Variants in DNAJC3 observed in about 807,000 individuals in gnomAD.
DNAJC3 encodes dnaJ homolog subfamily C member 3.
In DNAJC3, 38 loss-of-function variants were observed where a neutral mutation model predicts 68.6. That is an observed-to-expected ratio of 0.55 (90% CI 0.43 to 0.73). The LOEUF (loss-of-function observed/expected upper bound fraction) is 0.73, where lower values mean the gene tolerates loss of function less well. DNAJC3 is among the 30% of genes least tolerant of loss of function. The pLI is 0.00. For synonymous variants in DNAJC3, 203 were observed against 204.0 expected (o/e 1.00, Z 0.04); for missense variants, 526 against 591.9 (o/e 0.89, Z 1.16).
intron 2 of DNAJC3, among the ~76,000 whole-genome samples, chr13:95,720,140 T>C (rs1209660769): frequency 6.6e-6 from 1 of 152,126 alleles, no homozygotes; most frequent in Non-Finnish European, 1.5e-5. Context: ...GGGATATGTA[T>C]TATAGAATGT....
At position 95,749,517 on chromosome 13, in the gene DNAJC3, T is replaced by A. The variant is rs117404699; in HGVS notation, c.394-8127T>A. On this transcript the variant is annotated intron_variant, in intron 4 of 11. Transcript: ENST00000602402. ...AAGAGGGAACTACTGACTTTTAGGA[T>A]TCATGGCTTAAATGATAAAGTAGAG... is the stretch of plus-strand genomic sequence containing the variant. Among the ~76,000 whole-genome samples, 19 of 152,282 alleles carry A rather than the reference T, an allele frequency of 1.2e-4. 1 individual carries two copies. In the East Asian group the frequency reaches 3.7e-3, roughly 29 times the overall value.
At chr13:95,693,677 A>G (rs1372128295) in intron 1 of DNAJC3, 1 of 152,176 alleles carries the variant, frequency 6.6e-6, no homozygotes, top group African/African-American at 2.4e-5. Context: ...CTAACTAATA[A>G]TCTTAAGACT....
intron 4 of DNAJC3, among the ~76,000 whole-genome samples, chr13:95,735,762 T>A (rs1428201367): frequency 6.6e-6 from 1 of 152,032 alleles, no homozygotes; most frequent in South Asian, 2.1e-4. Flanking sequence ...TTTCTCCCAT[T>A]TTGTAGGTTG....
At chr13:95,765,935 GA>G (rs1882981895) in intron 9 of DNAJC3, among the ~76,000 whole-genome samples, 1 of 152,018 alleles carries the variant, frequency 6.6e-6, no homozygotes, top group Non-Finnish European at 1.5e-5. Context: ...GAGAGAGAGA[GA>G]ATAGTTGCCA....
chr13:95,694,371 C>T (rs1163250972), intron 1 of DNAJC3: 2 of 152,588 alleles, frequency 1.3e-5, no homozygotes, highest in Non-Finnish European at 1.5e-5. Context: ...CATAATTCAA[C>T]ACAATACCAC....
intron 9 of DNAJC3, among the ~76,000 whole-genome samples, chr13:95,779,218 G>A (rs966093040): frequency 4.2e-5 from 6 of 143,768 alleles, no homozygotes; most frequent in African/African-American, 1.5e-4. Flanking sequence ...TCCGCCTCCC[G>A]GGTTCACCCA....
intron 9 of DNAJC3, 38 bp from the exon 10 acceptor site, chr13:95,785,901 T>C (rs1883587423): frequency 6.6e-7 from 1 of 1,522,524 alleles, no homozygotes; most frequent in African/African-American, 1.4e-5. Flanking sequence ...TAAATTATAA[T>C]TTGCCTTAAC....
chr13:95,763,668 G>C lies in DNAJC3; in HGVS notation c.874G>C (p.Glu292Gln). ...ATACACAGATGCTACCAGCAAATATGAATCTGTCATGAAAACAGAGCCAAG... is the reference window on the plus strand; with the variant it reads ...ATACACAGATGCTACCAGCAAATATCAATCTGTCATGAAAACAGAGCCAAG... Reference protein sequence around the residue: ...GRYTDATSKYESVMKTEPSIA... With the variant: ...GRYTDATSKYQSVMKTEPSIA... The change falls in exon 8 of 12, where the codon GAA becomes CAA. Residue 292 changes from glutamate to glutamine, a missense_variant. Glu to Gln is a conservative substitution (Grantham distance 29). Transcript: ENST00000602402. 6.2e-7 allele frequency: 1 copy of C among 1,613,874 alleles called. No homozygotes were observed. Among genetic ancestry groups the C allele is most frequent in the Non-Finnish European group, 8.5e-7 (1 of 1,179,844 alleles).
chr13:95,705,751 C>T (rs543120312), intron 1 of DNAJC3, among the ~76,000 whole-genome samples: 4 of 152,208 alleles, frequency 2.6e-5, no homozygotes, highest in Admixed American at 2.0e-4. Flanking sequence ...GTTGCCCGGG[C>T]TGCTCTTGAA....
chr13:95,682,733 G>C (rs1426872014), intron 1 of DNAJC3, among the ~76,000 whole-genome samples: 1 of 152,082 alleles, frequency 6.6e-6, no homozygotes, highest in Non-Finnish European at 1.5e-5. Flanking sequence ...ATTACCTGTG[G>C]CTCAAAAGAG....
chr13:95,686,524 G>A (rs930144589), intron 1 of DNAJC3, among the ~76,000 whole-genome samples: 2 of 152,158 alleles, frequency 1.3e-5, no homozygotes, highest in Non-Finnish European at 2.9e-5. Flanking sequence ...TGTCCAAAAT[G>A]TTTAATCTAT....
intron 4 of DNAJC3, among the ~76,000 whole-genome samples, chr13:95,748,060 G>A (rs73552772): frequency 0.03 from 4,570 of 152,148 alleles, 238 homozygotes; most frequent in African/African-American, 0.11. Flanking sequence ...ACTTTCCTAA[G>A]TGCAGTTTAA....
At chr13:95,767,966 A>G (rs1883049139) in intron 9 of DNAJC3, among the ~76,000 whole-genome samples, 2 of 151,902 alleles carry the variant, frequency 1.3e-5, no homozygotes, top group South Asian at 4.1e-4. Context: ...CAGCCTCCCA[A>G]AGTGATGGGA....
chr13:95,759,016 A>T (rs936600092), intron 5 of DNAJC3, among the ~76,000 whole-genome samples: 3 of 152,160 alleles, frequency 2.0e-5, no homozygotes, highest in African/African-American at 7.2e-5. Flanking sequence ...ATTGTCCATG[A>T]TATTTATGTA....
chr13:95,703,472 G>A (rs1035364822), intron 1 of DNAJC3, among the ~76,000 whole-genome samples: 4 of 152,208 alleles, frequency 2.6e-5, no homozygotes, highest in African/African-American at 9.6e-5. Flanking sequence ...GCTGACACAG[G>A]AAGATGGAGT....
rs1883844612 is a variant in DNAJC3, at chr13:95,793,314, C to T, written c.*2284C>T. 1 of 152,198 alleles carries T rather than the reference C, an allele frequency of 6.6e-6. No individual in the cohort carries two copies. Among genetic ancestry groups the T allele is most frequent in the African/African-American group, 2.4e-5 (1 of 41,494 alleles). The allele number at this position is 152,198 out of a possible 1,614,324, so 9.4% of individuals were successfully genotyped here. A position where few individuals can be genotyped will look rare whatever the true frequency, so the allele number is the denominator to read the frequency against. Reference sequence around the variant, plus strand: ...TGTCGGCAGTTTTCTGGTGTCCACCCAAACGGAGAGACAGTCACTCCTGCT... The same window carrying T: ...TGTCGGCAGTTTTCTGGTGTCCACCTAAACGGAGAGACAGTCACTCCTGCT... On this transcript the variant is annotated 3_prime_UTR_variant, in exon 12 of 12. Transcript: ENST00000602402.
chr13:95,710,896 G>T (rs910650966), intron 2 of DNAJC3, among the ~76,000 whole-genome samples: 5 of 151,722 alleles, frequency 3.3e-5, no homozygotes, highest in African/African-American at 1.2e-4. Flanking sequence ...TCACCATTTT[G>T]CCCAGCCTGT....
At chr13:95,685,232 C>T (rs566495704) in intron 1 of DNAJC3, among the ~76,000 whole-genome samples, 2 of 152,238 alleles carry the variant, frequency 1.3e-5, no homozygotes, top group Non-Finnish European at 2.9e-5. Flanking sequence ...GGAGCTCACC[C>T]CTTGCTGCAA....
intron 1 of DNAJC3, chr13:95,695,142 C>T (rs917511268): frequency 2.0e-4 from 31 of 152,146 alleles, no homozygotes; most frequent in Non-Finnish European, 1.2e-4. Flanking sequence ...TCATTATAGC[C>T]GTAGCAATTC....
Sources: gnomAD v4.1 joint callset for allele counts (sites outside exome capture counted in the v4.1 genomes callset) on GRCh38, gnomAD v4.1.1 for gene constraint, MANE v1.5 for transcripts, NCBI Gene and HGNC (gene_info 2026-07-23, HGNC 2026-07-21) for gene names.